Variants in NEK5 observed in about 807,000 individuals in gnomAD.
NEK5 encodes the protein NIMA related kinase 5.
NEK5 carries 88 observed loss-of-function variants against 109.2 expected under a neutral mutation model. The ratio of observed to expected loss-of-function variants is 0.81; its 90% CI spans 0.68 to 0.96. NEK5 has a LOEUF of 0.96. NEK5 is among the 40% of genes least tolerant of loss of function. The probability of loss-of-function intolerance (pLI) is 0.00; values close to 1 mark genes in which losing one functional copy is unlikely to be tolerated. For synonymous variants in NEK5, 283 were observed against 299.9 expected, an observed-to-expected ratio of 0.94 and a Z score of 0.58; for missense variants, 834 against 920.7, an observed-to-expected ratio of 0.91 and a Z score of 1.22.
In NEK5 at chr13:52,099,756, T is replaced by G. The variant is rs1955491612; in HGVS notation, c.1013A>C (p.Gln338Pro). Residue 338 changes from glutamine to proline, a missense_variant, in exon 12 of 24, where the codon CAG (glutamine) becomes CCG (proline). This residue lies in a region of NEK5 where 777 missense variants were observed against 824.7 expected (regional missense o/e 0.94). Coordinates refer to ENST00000684899, the MANE Select transcript of NEK5 (RefSeq NM_001365552.1). The stretch of plus-strand genomic sequence containing the variant: ...AGAATGACTTACAGATCTGGCCTTC[T>G]GGGCTCCAGCTGGTGGTCTCCATTC... ...RNEWRPPAGA[Q>P]KARSIKMIER... 1 of 1,613,918 alleles carries G rather than the reference T, an allele frequency of 6.2e-7. No homozygotes were observed. The highest frequency in any genetic ancestry group is 1.3e-5 in the African/African-American group (1 of 75,064).
At chr13:52,127,320 C>G in intron 3 of NEK5, 46 bp downstream of exon 3, 1 of 965,860 alleles carries the variant, frequency 1.0e-6, no homozygotes, top group Non-Finnish European at 1.7e-6. Context: ...TAAAAGCCAG[C>G]TGAATATCCC....
chr13:52,062,510 G>A (rs1442424688), intron 21 of NEK5, among the ~76,000 whole-genome samples: 18 of 150,838 alleles, frequency 1.2e-4, no homozygotes, highest in East Asian at 5.9e-4. Context: ...AACCTCCGCC[G>A]CCCAGGTTCA....
chr13:52,089,035 G>A (rs528094517), intron 14 of NEK5, among the ~76,000 whole-genome samples: 55 of 152,000 alleles, frequency 3.6e-4, no homozygotes, highest in Non-Finnish European at 6.9e-4. Flanking sequence ...AGGTTGCAGT[G>A]AGCCAAGATC....
chr13:52,079,171 CAAG>C (rs1954923145), intron 17 of NEK5, among the ~76,000 whole-genome samples: 1 of 151,548 alleles, frequency 6.6e-6, no homozygotes, highest in African/African-American at 2.4e-5. Context: ...ATGTGTTCTG[CAAG>C]AAGAGAAGAG....
In NEK5 at chr13:52,036,262, G is replaced by A. The variant is rs2140866442; in HGVS notation, c.*686C>T. On this transcript the variant is annotated 3_prime_UTR_variant, in exon 24 of 24. Coordinates refer to ENST00000684899, the MANE Select transcript of NEK5 (RefSeq NM_001365552.1). ...TTTGTCTTCCTCTTCCACTTGTAAGGACCCTTGTGATTACACTGCACCCAG... is the reference window on the plus strand; with the variant it reads ...TTTGTCTTCCTCTTCCACTTGTAAGAACCCTTGTGATTACACTGCACCCAG... 6.6e-6 allele frequency: 1 copy of A among 152,242 alleles called. No homozygotes were observed. Among genetic ancestry groups the A allele is most frequent in the South Asian group, 2.1e-4 (1 of 4,826 alleles). 9.4% of individuals were successfully genotyped at this position (152,242 alleles called of 1,614,324 possible). A position where few individuals can be genotyped will look rare whatever the true frequency, so the allele number is the denominator to read the frequency against.
In NEK5 at chr13:52,127,469, T is replaced by C. The variant is rs770559363; in HGVS notation, c.14A>G (p.Asp5Gly). The change falls in exon 3 of 24, where the codon GAT becomes GGT. Residue 5 changes from aspartate to glycine, a missense_variant. Coordinates refer to ENST00000684899, the MANE Select transcript of NEK5 (RefSeq NM_001365552.1). MDKYDVIKAIGQGAF... is the reference protein window; with the variant it reads MDKYGVIKAIGQGAF... ...ACCTTGCCCGATGGCCTTAATCACA[T>C]CGTACTTATCCATGGTCTCCAATGG... 7.5e-6 allele frequency: 12 copies of C among 1,599,274 alleles called. No individual in the cohort carries two copies. In the South Asian group the frequency reaches 1.2e-4, roughly 16 times the overall value.
In NEK5 at chr13:52,036,021, G is replaced by T. The variant is rs1379158102; in HGVS notation, c.*927C>A. ...ACAAATTTATTATCTTAACAGTTCTGCAAGTCAGAAGTATGAAATTGAACT... is the reference window on the plus strand; with the variant it reads ...ACAAATTTATTATCTTAACAGTTCTTCAAGTCAGAAGTATGAAATTGAACT... On this transcript the variant is annotated 3_prime_UTR_variant, in exon 24 of 24. Transcript: ENST00000684899. The T allele has an allele frequency of 6.6e-6, 1 of 152,130 alleles. No homozygotes were observed. 9.4% of individuals were successfully genotyped at this position (152,130 alleles called of 1,614,324 possible).
chr13:52,055,591 A>G (rs1377876146), intron 22 of NEK5, among the ~76,000 whole-genome samples: 2 of 152,238 alleles, frequency 1.3e-5, no homozygotes, highest in Non-Finnish European at 2.9e-5. Context: ...TCAGACTAAC[A>G]GTGGATCTCT....
In NEK5 at chr13:52,049,380, C is replaced by T. The variant is rs1030492004; in HGVS notation, c.2228+724G>A. On this transcript the variant is annotated intron_variant, in intron 23 of 23. Transcript: ENST00000684899. Reference sequence around the variant, plus strand: ...TCGAGGCTACAGTGAGCTGTGATTGCGCCTCCACACTCCAGCCTGGGCAAC... The same window carrying T: ...TCGAGGCTACAGTGAGCTGTGATTGTGCCTCCACACTCCAGCCTGGGCAAC... Among the ~76,000 whole-genome samples the T allele has an allele frequency of 1.2e-4, 19 of 152,136 alleles. No individual in the cohort carries two copies. The South Asian group carries it at 2.3e-3, about 18-fold the overall frequency.
intron 17 of NEK5, among the ~76,000 whole-genome samples, chr13:52,078,603 T>A (rs1250082534): frequency 2.0e-5 from 3 of 151,712 alleles, no homozygotes; most frequent in Non-Finnish European, 4.4e-5. Flanking sequence ...TTTTTTTTTT[T>A]AAAGAGATGG....
At position 52,074,791 on chromosome 13, in the gene NEK5, C is replaced by T. The variant is rs116929525; in HGVS notation, c.1722+967G>A. 1.8e-3 allele frequency among the ~76,000 whole-genome samples: 275 copies of T among 151,938 alleles called. 3 individuals carry two copies. In the East Asian group the frequency reaches 0.022, roughly 12 times the overall value. ...AACTTAACTGAACAAGAAAAAACAA[C>T]CCAAATTTTAAAGTGGACAAAAGAT... On this transcript the variant is annotated intron_variant, in intron 19 of 23. Transcript: ENST00000684899.
At position 52,076,143 on chromosome 13, in the gene NEK5, C is replaced by G. The variant is rs55776590; in HGVS notation, c.1573G>C (p.Asp525His). 2 of 1,562,542 alleles carry G rather than the reference C, an allele frequency of 1.3e-6. No homozygotes were observed. The highest frequency in any genetic ancestry group is 2.7e-5 in the African/African-American group (2 of 73,248). Reference protein sequence around the residue: ...DASEGEAPVQDIEKDLKQMRL... With the variant: ...DASEGEAPVQHIEKDLKQMRL... ...ATTTGTTTCAAGTCTTTTTCAATGT[C>G]CTGAAAATTTAGAGAAAAATACAAT... Residue 525 changes from aspartate (D) to histidine (H), a missense_variant and splice_region_variant, in exon 18 of 24, where the codon GAC (aspartate) becomes CAC (histidine). Physicochemically the swap from Asp to His is moderately conservative, Grantham distance 81. Coordinates refer to ENST00000684899, the MANE Select transcript of NEK5 (RefSeq NM_001365552.1).
At chr13:52,102,049 C>A in intron 10 of NEK5, 35 bp from the exon 11 acceptor site, 2 of 1,612,270 alleles carry the variant, frequency 1.2e-6, no homozygotes, top group South Asian at 1.1e-5. Context: ...GACCTGCAAC[C>A]CAAAATCTCT....
At chr13:52,082,877 G>A (rs1418439598) in intron 17 of NEK5, among the ~76,000 whole-genome samples, 1 of 152,188 alleles carries the variant, frequency 6.6e-6, no homozygotes, top group Non-Finnish European at 1.5e-5. Flanking sequence ...GTAAAAAGGC[G>A]GTGGCTCATG....
chr13:52,100,751 A>G (rs1955512764), intron 11 of NEK5, among the ~76,000 whole-genome samples: 1 of 152,222 alleles, frequency 6.6e-6, no homozygotes, highest in Non-Finnish European at 1.5e-5. Flanking sequence ...TACCTAGATT[A>G]GAAATATGGA....
At chr13:52,037,854 C>T (rs1386899774) in intron 23 of NEK5, among the ~76,000 whole-genome samples, 1 of 151,258 alleles carries the variant, frequency 6.6e-6, no homozygotes, top group Non-Finnish European at 1.5e-5. Flanking sequence ...ACCTGGGAGG[C>T]GGAGCTTGCA....
chr13:52,106,493 C>T (rs1023388811), intron 8 of NEK5, among the ~76,000 whole-genome samples: 20 of 152,138 alleles, frequency 1.3e-4, no homozygotes, highest in South Asian at 6.2e-4. Flanking sequence ...GGGCCAGGTG[C>T]GGTGGCTCAC....
intron 22 of NEK5, among the ~76,000 whole-genome samples, chr13:52,053,817 G>C (rs1954529053): frequency 6.6e-6 from 1 of 152,178 alleles, no homozygotes; most frequent in Admixed American, 6.6e-5. Flanking sequence ...ATTCCGAAGT[G>C]GTTTTATTAA....
intron 20 of NEK5, among the ~76,000 whole-genome samples, chr13:52,066,454 T>C (rs1443370663): frequency 2.0e-5 from 3 of 152,124 alleles, no homozygotes; most frequent in Non-Finnish European, 4.4e-5. Context: ...TTATTACTAA[T>C]TTATTCTGTG....
Sources: gnomAD v4.1 joint callset for allele counts (sites outside exome capture counted in the v4.1 genomes callset) on GRCh38, gnomAD v4.1.1 for gene constraint, gnomAD v4.1.1 regional missense constraint, MANE v1.5 for transcripts, NCBI Gene and HGNC (gene_info 2026-07-23, HGNC 2026-07-21) for gene names.